FGF12: variants seen among roughly 807,000 people sequenced by gnomAD.
FGF12 encodes the protein fibroblast growth factor 12.
Under a neutral mutation model 23.6 loss-of-function variants are expected in FGF12, and 14 were observed. That is an observed-to-expected ratio of 0.59 (90% CI 0.39 to 0.93). The LOEUF (loss-of-function observed/expected upper bound fraction) is 0.93. Among genes scored for constraint, FGF12 ranks in the 40% least tolerant of loss-of-function variants. FGF12 has a pLI of 0.00. For missense variants in FGF12, 175 were observed against 217.8 expected, an observed-to-expected ratio of 0.80 and a Z score of 1.24; for synonymous variants, 62 against 77.3, an observed-to-expected ratio of 0.80 and a Z score of 1.04.
intron 2 of FGF12, among the ~76,000 whole-genome samples, chr3:192,711,528 T>C (rs920613980): frequency 2.6e-5 from 4 of 152,152 alleles, no homozygotes; most frequent in South Asian, 2.1e-4. Flanking sequence ...GGGGAAAAGA[T>C]AGAGAAATCA....
chr3:192,508,606 A>G (rs574183399), intron 2 of FGF12, among the ~76,000 whole-genome samples: 1 of 152,352 alleles, frequency 6.6e-6, no homozygotes, highest in East Asian at 1.9e-4. Context: ...TATCACATAG[A>G]TAACTTTGCA....
intron 4 of FGF12, among the ~76,000 whole-genome samples, chr3:192,191,256 T>G (rs529104006): frequency 1.4e-4 from 21 of 152,188 alleles, no homozygotes; most frequent in African/African-American, 5.1e-4. Flanking sequence ...AATAGAAAAT[T>G]TTTAGGGCAG....
chr3:192,167,401 T>C (rs551128952), intron 5 of FGF12, among the ~76,000 whole-genome samples: 1 of 152,068 alleles, frequency 6.6e-6, no homozygotes, highest in Admixed American at 6.5e-5. Context: ...GCATGTGTGG[T>C]TGTGTTCCGG....
At chr3:192,451,248 TAAAG>T (rs1353733670) in intron 2 of FGF12, among the ~76,000 whole-genome samples, 1 of 152,230 alleles carries the variant, frequency 6.6e-6, no homozygotes, top group Non-Finnish European at 1.5e-5. Flanking sequence ...TCAGTAGGTA[TAAAG>T]AATGATCAGG....
chr3:192,149,380 T>C lies in FGF12; in HGVS notation c.428-5253A>G, dbSNP rs201950937. Among the ~76,000 whole-genome samples the C allele has an allele frequency of 4.6e-4, 68 of 149,144 alleles. 1 individual carries two copies. The East Asian group carries it at 0.011, about 25-fold the overall frequency. On this transcript the variant is annotated intron_variant, in intron 5 of 5. Transcript: ENST00000445105. Reference sequence around the variant, plus strand: ...GCACATTGTGCAGGTTAGATACATATGTATACATGTGCCATGCTGGTGCAC... The same window carrying C: ...GCACATTGTGCAGGTTAGATACATACGTATACATGTGCCATGCTGGTGCAC...
chr3:192,556,590 C>CAAT lies in FGF12; in HGVS notation c.13+170590_13+170591insATT, dbSNP rs1240125025. 3.9e-5 allele frequency among the ~76,000 whole-genome samples: 6 copies of CAAT among 152,142 alleles called. No individual in the cohort carries two copies. In the East Asian group the frequency reaches 1.2e-3, roughly 29 times the overall value. On this transcript the variant is annotated intron_variant, in intron 2 of 5. Transcript: ENST00000445105. ...ATGATAATAGGAGATTTCAATACTC[C>CAAT]ACTTTCAATAATGGACCAAACATAC...
At chr3:192,598,152 T>A (rs958742820) in intron 2 of FGF12, among the ~76,000 whole-genome samples, 1 of 152,194 alleles carries the variant, frequency 6.6e-6, no homozygotes, top group Non-Finnish European at 1.5e-5. Context: ...CATTACTGCA[T>A]AATTGCAGAT....
chr3:192,175,996 C>T (rs1469685655), intron 4 of FGF12, among the ~76,000 whole-genome samples: 1 of 152,216 alleles, frequency 6.6e-6, no homozygotes, highest in African/African-American at 2.4e-5. Flanking sequence ...CAGCCTCTAA[C>T]TGTGTCAGCT....
intron 2 of FGF12, among the ~76,000 whole-genome samples, chr3:192,636,147 A>T (rs1715573968): frequency 6.6e-6 from 1 of 152,188 alleles, no homozygotes. Flanking sequence ...GCTCAAATAC[A>T]ATCATGTAAT....
intron 2 of FGF12, among the ~76,000 whole-genome samples, chr3:192,551,925 T>C (rs1191424613): frequency 6.6e-6 from 1 of 152,054 alleles, no homozygotes; most frequent in Non-Finnish European, 1.5e-5. Flanking sequence ...AATAAGGAGA[T>C]AAAGACCTTA....
chr3:192,492,976 T>C (rs1181320193), intron 2 of FGF12, among the ~76,000 whole-genome samples: 2 of 150,038 alleles, frequency 1.3e-5, no homozygotes, highest in African/African-American at 5.0e-5. Flanking sequence ...TTTTTTTTTT[T>C]TTTAGAGACA....
chr3:192,145,690 C>T (rs112182511), intron 5 of FGF12, among the ~76,000 whole-genome samples: 7,413 of 152,260 alleles, frequency 0.049, 234 homozygotes, highest in South Asian at 0.061. Context: ...AATTACTGCA[C>T]GGATGGCTCT....
At position 192,480,114 on chromosome 3, in the gene FGF12, T is replaced by C. The variant is rs543101815; in HGVS notation, c.14-119576A>G. ...CTGGCACCAACAAGTAGAATTATTT[T>C]CTGTGGGGATGGAGACAAAGAAAGG... On this transcript the variant is annotated intron_variant, in intron 2 of 5. Coordinates refer to ENST00000445105, the MANE Select transcript of FGF12 (RefSeq NM_004113.6). Among the ~76,000 whole-genome samples the C allele has an allele frequency of 1.2e-4, 19 of 152,318 alleles. No individual in the cohort carries two copies. In the South Asian group the frequency reaches 3.9e-3, roughly 32 times the overall value.
chr3:192,351,441 T>C (rs1301898051), intron 3 of FGF12, among the ~76,000 whole-genome samples: 1 of 152,242 alleles, frequency 6.6e-6, no homozygotes, highest in East Asian at 1.9e-4. Context: ...AAGGGGTTTG[T>C]ACTGTTCGTT....
chr3:192,168,869 T>C (rs1420875778), intron 5 of FGF12, among the ~76,000 whole-genome samples: 1 of 152,202 alleles, frequency 6.6e-6, no homozygotes, highest in African/African-American at 2.4e-5. Context: ...GAGAGAAATG[T>C]ATGCAATGAC....
intron 2 of FGF12, among the ~76,000 whole-genome samples, chr3:192,711,940 C>CAAAAAAAAAA (rs60779864): frequency 1.6e-4 from 8 of 50,794 alleles, no homozygotes; most frequent in Non-Finnish European, 2.5e-4. Context: ...CAAGAACGAT[C>CAAAAAAAAAA]AAAAAAAAAA....
At chr3:192,357,615 G>T (rs888552139) in intron 3 of FGF12, among the ~76,000 whole-genome samples, 1 of 151,814 alleles carries the variant, frequency 6.6e-6, no homozygotes. Context: ...TGACGGAGAC[G>T]TTCATGCACC....
At chr3:192,523,556 C>G (rs570056399) in intron 2 of FGF12, among the ~76,000 whole-genome samples, 1 of 152,076 alleles carries the variant, frequency 6.6e-6, no homozygotes, top group African/African-American at 2.4e-5. Flanking sequence ...AGAGCCCTAC[C>G]CAAGTCTGAT....
intron 4 of FGF12, among the ~76,000 whole-genome samples, chr3:192,211,435 A>AT (rs1286840198): frequency 1.3e-5 from 2 of 151,994 alleles, no homozygotes; most frequent in Non-Finnish European, 2.9e-5. Flanking sequence ...TTATTTGTTT[A>AT]TTTTTTTGAG....
Sources: allele counts gnomAD v4.1 joint callset (sites outside exome capture counted in the v4.1 genomes callset), GRCh38; gene constraint gnomAD v4.1.1; transcripts MANE v1.5; gene names NCBI Gene and HGNC (gene_info 2026-07-23, HGNC 2026-07-21).